RUSC2: variants seen among roughly 807,000 people sequenced by gnomAD.
The protein encoded by RUSC2 is AP-4 complex accessory subunit RUSC2.
RUSC2 carries 34 observed loss-of-function variants against 122.2 expected under a neutral mutation model. That is an observed-to-expected ratio of 0.28 (90% CI 0.21 to 0.37). RUSC2 has a LOEUF of 0.37. Ranked by LOEUF, RUSC2 falls within the 10% of genes least tolerant of loss-of-function variation. RUSC2 has a pLI of 1.00. For synonymous variants in RUSC2, 784 were observed against 790.0 expected (o/e 0.99, Z 0.13); for missense variants, 1,747 against 1,952.4 (o/e 0.89, Z 1.98).
rs1430280288 is a variant in RUSC2 at position 35,546,046 on chromosome 9, G to GT, written c.-92-378dup. Among the ~76,000 whole-genome samples, 4 of 152,082 alleles carry GT rather than the reference G, an allele frequency of 2.6e-5. No individual in the cohort carries two copies. Among genetic ancestry groups the GT allele is most frequent in the Non-Finnish European group, 5.9e-5 (4 of 68,010 alleles). On this transcript the variant is annotated intron_variant, in intron 1 of 11. Transcript: ENST00000361226. This position sits in a 1 kb window ranked among gnomAD's most constrained non-coding sequence, Gnocchi z 4.3. ...GTCTAAGCCTTAAACATCCTAGATG[G>GT]TTTTTTCTTAATTGTGTCATTATTC...
chr9:35,547,999 G>A lies in RUSC2; in HGVS notation c.1478G>A (p.Arg493His), dbSNP rs41277051. The part of the protein sequence containing the change: ...NTSPPNLSTG[R>H]QRSRSYDRSL... Reference sequence around the variant, plus strand: ...TCACCCCCCAACCTCAGCACTGGACGTCAGCGCTCCCGCAGCTATGATCGC... The same window carrying A: ...TCACCCCCCAACCTCAGCACTGGACATCAGCGCTCCCGCAGCTATGATCGC... Residue 493 changes from arginine (R) to histidine (H), a missense_variant, in exon 2 of 12, where the codon CGT (arginine) becomes CAT (histidine). Arg to His is a conservative substitution (Grantham distance 29). Transcript: ENST00000361226. This position sits in a 1 kb window ranked among gnomAD's most constrained non-coding sequence, Gnocchi z 4.6. The A allele has an allele frequency of 1.3e-4, 216 of 1,614,020 alleles. No individual in the cohort carries two copies. Among genetic ancestry groups the A allele is most frequent in the Non-Finnish European group, 1.7e-4 (195 of 1,180,034 alleles).
In RUSC2 at chr9:35,559,223, C is replaced by T; in HGVS notation, c.3342-3C>T. ...TCAACTCTCTTCACCTGTCTCCCTA[C>T]AGCATCCGGTCCCTGGAGTTCTGGT... On this transcript the variant is annotated splice_polypyrimidine_tract_variant and splice_region_variant and intron_variant, in intron 8 of 11. Coordinates refer to ENST00000361226, the MANE Select transcript of RUSC2 (RefSeq NM_014806.5). 1 of 1,612,356 alleles carries T rather than the reference C, an allele frequency of 6.2e-7. No individual in the cohort carries two copies. The highest frequency in any genetic ancestry group is 2.2e-5 in the East Asian group (1 of 44,886).
intron 1 of RUSC2, among the ~76,000 whole-genome samples, chr9:35,509,773 T>TAAA (rs1820980601): frequency 6.6e-6 from 1 of 152,166 alleles, no homozygotes; most frequent in Non-Finnish European, 1.5e-5. Context: ...TAGTTGTCAT[T>TAAA]TATTGAGCCC....
chr9:35,518,883 T>G (rs1396897875), intron 1 of RUSC2, among the ~76,000 whole-genome samples: 1 of 152,198 alleles, frequency 6.6e-6, no homozygotes, highest in Non-Finnish European at 1.5e-5. Context: ...TTCTGGGTAG[T>G]TGAGTGGCAG....
intron 1 of RUSC2, among the ~76,000 whole-genome samples, chr9:35,501,657 G>A (rs1820819168): frequency 6.6e-6 from 1 of 152,176 alleles, no homozygotes; most frequent in Non-Finnish European, 1.5e-5. Flanking sequence ...AAATGGTTGG[G>A]TTTGGGATAT....
intron 1 of RUSC2, among the ~76,000 whole-genome samples, chr9:35,505,438 CTT>C (rs1324538667): frequency 6.6e-6 from 1 of 152,176 alleles, no homozygotes; most frequent in Non-Finnish European, 1.5e-5. Context: ...CCTCCTGAAA[CTT>C]TTCTTGATTA....
Position 35,504,231 on chromosome 9 carries a change from G to A in RUSC2, c.-93+14059G>A, listed in dbSNP as rs569095236. ...TATATTTTTCCGAGCTCATTATTAAGATTGTACCAAAATATACATACACTG... is the reference window on the plus strand; with the variant it reads ...TATATTTTTCCGAGCTCATTATTAAAATTGTACCAAAATATACATACACTG... On this transcript the variant is annotated intron_variant, in intron 1 of 11. Coordinates refer to ENST00000361226, the MANE Select transcript of RUSC2 (RefSeq NM_014806.5). Among the ~76,000 whole-genome samples, 260 of 152,228 alleles carry A rather than the reference G, an allele frequency of 1.7e-3. 1 individual carries two copies. Among genetic ancestry groups the A allele is most frequent in the Non-Finnish European group, 2.8e-3 (193 of 68,028 alleles).
chr9:35,492,689 T>TAA (rs936779130), intron 1 of RUSC2, among the ~76,000 whole-genome samples: 33 of 142,440 alleles, frequency 2.3e-4, no homozygotes, highest in African/African-American at 7.8e-4. Flanking sequence ...TATATATATA[T>TAA]AACATAGAAT....
chr9:35,555,911 C>T lies in RUSC2; in HGVS notation c.2657-41C>T, dbSNP rs1364882618. The T allele has an allele frequency of 6.3e-7, 1 of 1,598,374 alleles. No homozygotes were observed. Among genetic ancestry groups the T allele is most frequent in the East Asian group, 2.2e-5 (1 of 44,564 alleles). On this transcript the variant is annotated intron_variant, in intron 3 of 11. Coordinates refer to ENST00000361226, the MANE Select transcript of RUSC2 (RefSeq NM_014806.5). The surrounding 1 kb of genome is among the most constrained non-coding windows in gnomAD (Gnocchi z 4.6). ...ATGTGAAACTCTGTCTCGCTGTCTC[C>T]TGCCAACTCTTGTCTTTCTGCTAAT...
intron 1 of RUSC2, among the ~76,000 whole-genome samples, chr9:35,537,573 T>C (rs1821555514): frequency 6.6e-6 from 1 of 152,176 alleles, no homozygotes; most frequent in Non-Finnish European, 1.5e-5. Flanking sequence ...TTTTTGTTCT[T>C]CTCTCTACAA....
At chr9:35,551,076 A>G (rs537870581) in intron 2 of RUSC2, among the ~76,000 whole-genome samples, 1 of 152,336 alleles carries the variant, frequency 6.6e-6, no homozygotes, top group African/African-American at 2.4e-5. Flanking sequence ...CTCAAAAAAA[A>G]AGAAAAACCA....
chr9:35,559,231 G>T lies in RUSC2; in HGVS notation c.3347G>T (p.Arg1116Leu). 6.2e-7 allele frequency: 1 copy of T among 1,613,196 alleles called. No individual in the cohort carries two copies. The highest frequency in any genetic ancestry group is 8.5e-7 in the Non-Finnish European group (1 of 1,179,178). ...CTTCACCTGTCTCCCTACAGCATCC[G>T]GTCCCTGGAGTTCTGGTTTAATCAC... ...NAFILGLLNI[R>L]SLEFWFNHLY... Residue 1116 changes from arginine to leucine, a missense_variant, in exon 9 of 12, where the codon CGG becomes CTG. Physicochemically the swap from Arg to Leu is moderately radical, Grantham distance 102. Transcript: ENST00000361226.
intron 2 of RUSC2, among the ~76,000 whole-genome samples, chr9:35,549,660 A>C (rs763853545): frequency 1.9e-4 from 29 of 152,222 alleles, no homozygotes; most frequent in Non-Finnish European, 4.0e-4. Context: ...ACGACTTGTA[A>C]GAAGAATGTT....
rs939591553 is a variant in RUSC2, at chr9:35,558,828, G to A, written c.3341+261G>A. Among the ~76,000 whole-genome samples the A allele has an allele frequency of 6.6e-6, 1 of 152,190 alleles. No homozygotes were observed. Among genetic ancestry groups the A allele is most frequent in the Non-Finnish European group, 1.5e-5 (1 of 68,046 alleles). On this transcript the variant is annotated intron_variant, in intron 8 of 11. Transcript: ENST00000361226. The surrounding 1 kb of genome is among the most constrained non-coding windows in gnomAD (Gnocchi z 4.3). ...TTAGTTGGGTTTCTTAATTTCTCTG[G>A]ACCTTGTAAACCCTGATCCTCTCCA...
chr9:35,497,804 C>G (rs1438130300), intron 1 of RUSC2, among the ~76,000 whole-genome samples: 1 of 152,166 alleles, frequency 6.6e-6, no homozygotes, highest in Non-Finnish European at 1.5e-5. Flanking sequence ...TCCTTTCACT[C>G]CTTTGGTGCA....
chr9:35,546,298 G>A lies in RUSC2; in HGVS notation c.-92-132G>A, dbSNP rs1379870853. 5.4e-6 allele frequency: 2 copies of A among 369,730 alleles called. No individual in the cohort carries two copies. The highest frequency in any genetic ancestry group is 2.1e-5 in the African/African-American group (1 of 48,132). 22.9% of individuals were successfully genotyped at this position (369,730 alleles called of 1,614,324 possible). Reference sequence around the variant, plus strand: ...CCCCACCTGCCTATTGGGCTGTGTGGTCAAGCTCCATCTTGACTCAAGCCT... The same window carrying A: ...CCCCACCTGCCTATTGGGCTGTGTGATCAAGCTCCATCTTGACTCAAGCCT... On this transcript the variant is annotated intron_variant, in intron 1 of 11. Transcript: ENST00000361226. This position sits in a 1 kb window ranked among gnomAD's most constrained non-coding sequence, Gnocchi z 4.3.
intron 9 of RUSC2, 39 bp downstream of exon 9, chr9:35,559,311 A>C: frequency 6.6e-7 from 1 of 1,525,906 alleles, no homozygotes; most frequent in Non-Finnish European, 9.1e-7. Flanking sequence ...TCAATGGGTC[A>C]GAATTCAGAG....
chr9:35,505,308 G>A (rs57836308), intron 1 of RUSC2, among the ~76,000 whole-genome samples: 7,578 of 152,174 alleles, frequency 0.05, 673 homozygotes, highest in African/African-American at 0.17. Context: ...GGACTGTGGA[G>A]CTCAGATCTT....
At chr9:35,549,266 AAC>A (rs376159518) in intron 2 of RUSC2, 233 of 940,746 alleles carry the variant, frequency 2.5e-4, no homozygotes, top group Middle Eastern at 1.1e-3. Flanking sequence ...TAACAACAAC[AAC>A]ACACACACAC....
Sources: gnomAD v4.1 joint callset for allele counts (sites outside exome capture counted in the v4.1 genomes callset) on GRCh38, gnomAD v4.1.1 for gene constraint, Gnocchi (gnomAD v3.1) non-coding constraint, MANE v1.5 for transcripts, NCBI Gene and HGNC (gene_info 2026-07-23, HGNC 2026-07-21) for gene names.